BNC2: variants seen among roughly 807,000 people sequenced by gnomAD.
BNC2 encodes zinc finger protein basonuclin-2.
Under a neutral mutation model 76.3 loss-of-function variants are expected in BNC2, and 20 were observed. The observed-to-expected ratio is 0.26, with a 90% CI of 0.18 to 0.38. The LOEUF is 0.38. BNC2 is among the 10% of genes least tolerant of loss of function. The probability of loss-of-function intolerance (pLI) is 1.00; values close to 1 mark genes in which losing one functional copy is unlikely to be tolerated. For missense variants in BNC2, 1,382 were observed against 1,399.8 expected, an observed-to-expected ratio of 0.99 and a Z score of 0.20; for synonymous variants, 582 against 514.8, an observed-to-expected ratio of 1.13 and a Z score of -1.77.
intron 6 of BNC2, among the ~76,000 whole-genome samples, chr9:16,424,215 G>C (rs1031303356): frequency 6.6e-6 from 1 of 151,132 alleles, no homozygotes; most frequent in Admixed American, 6.6e-5. Context: ...TCTAAAGAAA[G>C]TGTTTTGAGG....
chr9:16,647,028 G>GA (rs2133908574), intron 3 of BNC2, among the ~76,000 whole-genome samples: 1 of 152,294 alleles, frequency 6.6e-6, no homozygotes, highest in South Asian at 2.1e-4. Context: ...ACATGTGGGG[G>GA]AAAGGGGTGT....
rs754525859 is a variant in BNC2 at position 16,583,085 on chromosome 9, C to T, written c.331G>A (p.Ala111Thr). Residue 111 changes from alanine (A) to threonine (T), a missense_variant and splice_region_variant, in exon 4 of 7, where the codon GCC (alanine) becomes ACC (threonine). Ala to Thr is a moderately conservative substitution (Grantham distance 58, BLOSUM62 0). Coordinates refer to ENST00000380672, the MANE Select transcript of BNC2 (RefSeq NM_017637.6). ...TNLLFRMSQQ[A>T]IRCTLVNCTC... The stretch of plus-strand genomic sequence containing the variant: ...CAGTTTACCAGTGTGCAACGGATGG[C>T]CTGAAAAATAAAGGAGGAAAAAAAG... 2.5e-6 allele frequency: 4 copies of T among 1,613,480 alleles called. No homozygotes were observed. The highest frequency in any genetic ancestry group is 3.4e-6 in the Non-Finnish European group (4 of 1,179,658).
intron 5 of BNC2, among the ~76,000 whole-genome samples, chr9:16,524,432 T>G (rs1817727763): frequency 2.0e-5 from 3 of 151,872 alleles, no homozygotes; most frequent in Non-Finnish European, 1.5e-5. Context: ...TCTGACAAGT[T>G]CCCTAAGGAA....
intron 3 of BNC2, among the ~76,000 whole-genome samples, chr9:16,650,789 C>T (rs1327398726): frequency 1.3e-5 from 2 of 152,160 alleles, no homozygotes; most frequent in African/African-American, 4.8e-5. Context: ...AAAAATTATT[C>T]ACAAAGCTAT....
intron 5 of BNC2, among the ~76,000 whole-genome samples, chr9:16,470,724 T>C (rs1384535053): frequency 6.6e-6 from 1 of 152,124 alleles, no homozygotes; most frequent in Non-Finnish European, 1.5e-5. Flanking sequence ...TGCACAGAAG[T>C]CAAGAATCGA....
At chr9:16,649,437 C>T (rs1821731408) in intron 3 of BNC2, among the ~76,000 whole-genome samples, 1 of 152,112 alleles carries the variant, frequency 6.6e-6, no homozygotes, top group South Asian at 2.1e-4. Flanking sequence ...TTTCCATAAG[C>T]CTAATGCTTT....
intron 1 of BNC2, among the ~76,000 whole-genome samples, chr9:16,765,964 T>C (rs574715475): frequency 4.6e-5 from 7 of 152,154 alleles, no homozygotes; most frequent in African/African-American, 1.7e-4. Flanking sequence ...TTTTTTTGTA[T>C]TTTTAGTAGA....
intron 3 of BNC2, among the ~76,000 whole-genome samples, chr9:16,690,504 T>C (rs2134409812): frequency 6.6e-6 from 1 of 151,094 alleles, no homozygotes; most frequent in Admixed American, 6.6e-5. Flanking sequence ...ACAGTATTTA[T>C]TATCCAGCCT....
intron 1 of BNC2, among the ~76,000 whole-genome samples, chr9:16,852,654 C>T (rs1451879897): frequency 1.3e-5 from 2 of 151,938 alleles, no homozygotes; most frequent in South Asian, 2.1e-4. Context: ...CGGCAGTGTG[C>T]TGTGAAGAAA....
chr9:16,522,282 A>G (rs1453554432), intron 5 of BNC2, among the ~76,000 whole-genome samples: 2 of 152,224 alleles, frequency 1.3e-5, no homozygotes, highest in African/African-American at 2.4e-5. Context: ...ACAAAACATT[A>G]GCAGAAATGT....
intron 3 of BNC2, among the ~76,000 whole-genome samples, chr9:16,718,027 A>T (rs1824039298): frequency 6.6e-6 from 1 of 152,238 alleles, no homozygotes; most frequent in South Asian, 2.1e-4. Context: ...AAAACCTGGA[A>T]TATATTATAC....
chr9:16,605,449 G>A (rs1820357337), intron 3 of BNC2, among the ~76,000 whole-genome samples: 1 of 152,142 alleles, frequency 6.6e-6, no homozygotes, highest in South Asian at 2.1e-4. Flanking sequence ...AACCACCTTT[G>A]CCAAGGCAGA....
At chr9:16,811,036 G>C (rs1320706242) in intron 1 of BNC2, among the ~76,000 whole-genome samples, 1 of 151,690 alleles carries the variant, frequency 6.6e-6, no homozygotes, top group African/African-American at 2.4e-5. Context: ...GGCTAACACA[G>C]TGAAACCCCG....
chr9:16,696,027 G>A (rs1041152169), intron 3 of BNC2, among the ~76,000 whole-genome samples: 1 of 152,112 alleles, frequency 6.6e-6, no homozygotes, highest in Non-Finnish European at 1.5e-5. Flanking sequence ...CTGATAGCCT[G>A]TCCATTCTGC....
intron 3 of BNC2, among the ~76,000 whole-genome samples, chr9:16,593,327 G>A (rs1819983056): frequency 6.6e-6 from 1 of 152,040 alleles, no homozygotes; most frequent in Admixed American, 6.6e-5. Flanking sequence ...GACACACACA[G>A]GCATATAAAT....
At chr9:16,590,648 A>T (rs1044762413) in intron 3 of BNC2, among the ~76,000 whole-genome samples, 3 of 152,136 alleles carry the variant, frequency 2.0e-5, no homozygotes, top group African/African-American at 7.2e-5. Flanking sequence ...CTCTATAAAA[A>T]TATGAAAAAT....
chr9:16,746,281 T>A (rs1261883293), intron 1 of BNC2, among the ~76,000 whole-genome samples: 1 of 152,184 alleles, frequency 6.6e-6, no homozygotes, highest in Admixed American at 6.5e-5. Context: ...TGACTTCATA[T>A]TGGCCATGTT....
chr9:16,771,114 A>G (rs1421070177), intron 1 of BNC2, among the ~76,000 whole-genome samples: 2 of 152,186 alleles, frequency 1.3e-5, no homozygotes, highest in Non-Finnish European at 2.9e-5. Context: ...GGTTGCAGCG[A>G]GCCAAGATCA....
At chr9:16,670,322 TA>T (rs1224002920) in intron 3 of BNC2, among the ~76,000 whole-genome samples, 1 of 151,998 alleles carries the variant, frequency 6.6e-6, no homozygotes, top group Non-Finnish European at 1.5e-5. Context: ...TAAACATAAA[TA>T]AAATATATTA....
Sources: allele counts gnomAD v4.1 joint callset (sites outside exome capture counted in the v4.1 genomes callset), GRCh38; gene constraint gnomAD v4.1.1; transcripts MANE v1.5; gene names NCBI Gene and HGNC (gene_info 2026-07-23, HGNC 2026-07-21).